CALCR: variants seen among roughly 807,000 people sequenced by gnomAD.
CALCR encodes the protein calcitonin receptor.
A neutral mutation model predicts 59.5 loss-of-function variants in CALCR; 47 were observed. The observed-to-expected ratio is 0.79, with a 90% CI of 0.63 to 1.01. The LOEUF (loss-of-function observed/expected upper bound fraction) is 1.01. CALCR is among the 50% of genes least tolerant of loss of function. The probability of loss-of-function intolerance (pLI) is 0.00; values close to 1 mark genes in which losing one functional copy is unlikely to be tolerated. For synonymous variants in CALCR, 213 were observed against 211.3 expected (o/e 1.01, Z -0.07); for missense variants, 566 against 597.1 (o/e 0.95, Z 0.54).
chr7:93,504,207 A>C (rs1178433758), intron 2 of CALCR, among the ~76,000 whole-genome samples: 1 of 152,180 alleles, frequency 6.6e-6, no homozygotes, highest in South Asian at 2.1e-4. Flanking sequence ...TTCCCATTTT[A>C]ATTCTTATTG....
intron 2 of CALCR, among the ~76,000 whole-genome samples, chr7:93,573,878 C>G: frequency 6.6e-6 from 1 of 152,274 alleles, no homozygotes; most frequent in South Asian, 2.1e-4. Flanking sequence ...CCAGAACAAC[C>G]ATGACACATC....
intron 2 of CALCR, among the ~76,000 whole-genome samples, chr7:93,489,555 T>C (rs1282908812): frequency 6.6e-6 from 1 of 151,250 alleles, no homozygotes; most frequent in Admixed American, 6.6e-5. Context: ...AAGCACCAAA[T>C]AGACACAATA....
chr7:93,560,424 T>A (rs1456958953), intron 2 of CALCR, among the ~76,000 whole-genome samples: 1 of 152,116 alleles, frequency 6.6e-6, no homozygotes, highest in Admixed American at 6.6e-5. Context: ...GGTATGCACC[T>A]ATTATACAAT....
At chr7:93,496,913 T>C (rs1381525661) in intron 2 of CALCR, among the ~76,000 whole-genome samples, 1 of 151,648 alleles carries the variant, frequency 6.6e-6, no homozygotes, top group Non-Finnish European at 1.5e-5. Flanking sequence ...TCTGTTTGGA[T>C]AACTCCTTGA....
chr7:93,497,247 G>A (rs1398561914), intron 2 of CALCR, among the ~76,000 whole-genome samples: 1 of 151,510 alleles, frequency 6.6e-6, no homozygotes, highest in East Asian at 1.9e-4. Flanking sequence ...TCATGTCAAT[G>A]ACCTGACTCA....
At chr7:93,489,275 G>C (rs568446957) in intron 2 of CALCR, among the ~76,000 whole-genome samples, 13 of 151,754 alleles carry the variant, frequency 8.6e-5, no homozygotes, top group Admixed American at 8.5e-4. Flanking sequence ...GTGTTAAGAG[G>C]GAAATTTATA....
intron 10 of CALCR, 30 bp downstream of exon 10, chr7:93,438,180 T>C (rs778923433): frequency 2.5e-6 from 4 of 1,610,038 alleles, no homozygotes; most frequent in Admixed American, 1.7e-5. Flanking sequence ...TTTATGAATA[T>C]GTTAACTTAA....
chr7:93,522,274 T>G (rs1441643953), intron 2 of CALCR, among the ~76,000 whole-genome samples: 1 of 152,174 alleles, frequency 6.6e-6, no homozygotes, highest in East Asian at 1.9e-4. Context: ...GATTTATCAA[T>G]TTGTAAGACA....
In CALCR at chr7:93,471,741, G is replaced by T. The variant is rs1584562198; in HGVS notation, c.429+634C>A. On this transcript the variant is annotated intron_variant, in intron 6 of 13. Transcript: ENST00000426151. ...AATTTTTCAGATTTTTGATACATTT[G>T]AGGAAGAAAGATCATCTGTTCCCCA... is the stretch of plus-strand genomic sequence containing the variant. 1.3e-5 allele frequency among the ~76,000 whole-genome samples: 2 copies of T among 151,878 alleles called. 1 individual carries two copies.
chr7:93,471,658 A>G (rs556140396), intron 6 of CALCR, among the ~76,000 whole-genome samples: 7 of 151,780 alleles, frequency 4.6e-5, no homozygotes, highest in Non-Finnish European at 1.0e-4. Flanking sequence ...ACAGCTAAAC[A>G]TTGACCAACT....
chr7:93,553,938 C>A (rs983039926), intron 2 of CALCR, among the ~76,000 whole-genome samples: 2 of 152,152 alleles, frequency 1.3e-5, no homozygotes, highest in African/African-American at 4.8e-5. Context: ...CCCACTGCAC[C>A]TAGATGTGAC....
intron 2 of CALCR, among the ~76,000 whole-genome samples, chr7:93,554,398 T>C (rs970465916): frequency 6.6e-6 from 1 of 152,104 alleles, no homozygotes; most frequent in East Asian, 1.9e-4. Context: ...CCACCTTACA[T>C]ATGCAAATTT....
At chr7:93,543,133 G>C (rs1010038358) in intron 2 of CALCR, among the ~76,000 whole-genome samples, 8 of 152,006 alleles carry the variant, frequency 5.3e-5, no homozygotes, top group African/African-American at 1.9e-4. Context: ...TTGAGATAGG[G>C]TCTTGCTCTG....
In CALCR at chr7:93,443,678, T is replaced by C; in HGVS notation, c.728A>G (p.Tyr243Cys). The change falls in exon 9 of 14, where the codon TAT becomes TGT. Residue 243 changes from tyrosine to cysteine, a missense_variant. By Grantham distance (194) the Tyr-to-Cys change is radical (BLOSUM62 -2). Transcript: ENST00000426151. ...AGCCACGACAATGAGTGTATGAAGATAGATCCCTTCACAGAGCATCCAGAA... is the reference window on the plus strand; with the variant it reads ...AGCCACGACAATGAGTGTATGAAGACAGATCCCTTCACAGAGCATCCAGAA... The part of the protein sequence containing the change: ...NYFWMLCEGI[Y>C]LHTLIVVAVF... 1 of 1,613,082 alleles carries C rather than the reference T, an allele frequency of 6.2e-7. No homozygotes were observed. Among genetic ancestry groups the C allele is most frequent in the Non-Finnish European group, 8.5e-7 (1 of 1,179,170 alleles).
chr7:93,454,337 T>C (rs1800165383), intron 8 of CALCR, among the ~76,000 whole-genome samples: 1 of 152,042 alleles, frequency 6.6e-6, no homozygotes, highest in Non-Finnish European at 1.5e-5. Flanking sequence ...TCATGTTGCT[T>C]TCCAGAACTT....
chr7:93,424,557 T>G lies in CALCR; in HGVS notation c.*1799A>C, dbSNP rs1480704655. On this transcript the variant is annotated 3_prime_UTR_variant, in exon 14 of 14. Coordinates refer to ENST00000426151, the MANE Select transcript of CALCR (RefSeq NM_001742.4). Reference sequence around the variant, plus strand: ...ATACATCTTTTTGCTTTTAACGTACTCTGTATTAATTTATACATATACACA... The same window carrying G: ...ATACATCTTTTTGCTTTTAACGTACGCTGTATTAATTTATACATATACACA... 1 of 152,644 alleles carries G rather than the reference T, an allele frequency of 6.6e-6. No individual in the cohort carries two copies. The highest frequency in any genetic ancestry group is 1.5e-5 in the Non-Finnish European group (1 of 68,004). 9.5% of individuals were successfully genotyped at this position (152,644 alleles called of 1,614,324 possible).
chr7:93,469,955 A>G (rs2115846502), intron 6 of CALCR, among the ~76,000 whole-genome samples: 1 of 151,844 alleles, frequency 6.6e-6, no homozygotes, highest in African/African-American at 2.4e-5. Context: ...CTAGTCAGCT[A>G]AAATGCATCC....
chr7:93,503,079 T>C (rs930391275), intron 2 of CALCR, among the ~76,000 whole-genome samples: 19 of 152,066 alleles, frequency 1.2e-4, no homozygotes, highest in Non-Finnish European at 2.8e-4. Context: ...ATGTAAAAAA[T>C]AACCTCCAAA....
chr7:93,469,318 T>G (rs1800505283), intron 6 of CALCR, among the ~76,000 whole-genome samples: 1 of 109,362 alleles, frequency 9.1e-6, no homozygotes, highest in Non-Finnish European at 1.8e-5. Flanking sequence ...TGGCAGCCAT[T>G]TGATAATTCT....
Sources: gnomAD v4.1 joint callset for allele counts (sites outside exome capture counted in the v4.1 genomes callset) on GRCh38, gnomAD v4.1.1 for gene constraint, MANE v1.5 for transcripts, NCBI Gene and HGNC (gene_info 2026-07-23, HGNC 2026-07-21) for gene names.